Variants in TMEM117 observed in about 807,000 individuals in gnomAD.
TMEM117 encodes the protein transmembrane protein 117.
TMEM117 carries 27 observed loss-of-function variants against 52.4 expected under a neutral mutation model. That is an observed-to-expected ratio of 0.51 (90% CI 0.38 to 0.71). The LOEUF is 0.71. Ranked by LOEUF, TMEM117 falls within the 30% of genes least tolerant of loss-of-function variation. TMEM117 has a pLI of 0.00. For missense variants in TMEM117, 556 were observed against 630.5 expected (o/e 0.88, Z 1.26); for synonymous variants, 215 against 206.3 (o/e 1.04, Z -0.36).
At chr12:44,225,498 A>AT (rs1277124586) in intron 5 of TMEM117, among the ~76,000 whole-genome samples, 139 of 152,222 alleles carry the variant, frequency 9.1e-4, no homozygotes, top group African/African-American at 3.2e-3. Flanking sequence ...AAATGAACGG[A>AT]TTTTTTTCCT....
intron 6 of TMEM117, among the ~76,000 whole-genome samples, chr12:44,306,016 C>T (rs1299467330): frequency 6.6e-6 from 1 of 152,096 alleles, no homozygotes; most frequent in African/African-American, 2.4e-5. Flanking sequence ...AGTGAATTAA[C>T]AGAGGGACAG....
chr12:43,805,496 A>G, the TMEM117 span: 5 of 455,340 alleles, frequency 1.1e-5, no homozygotes, highest in Non-Finnish European at 2.2e-5. Context: ...CCGGGGATAT[A>G]TTATTTGACT....
intron 3 of TMEM117, among the ~76,000 whole-genome samples, chr12:44,060,704 T>C (rs1045182733): frequency 2.6e-5 from 4 of 152,084 alleles, no homozygotes; most frequent in African/African-American, 9.7e-5. Flanking sequence ...GATGAGAAAG[T>C]CACAAAAGCA....
intron 3 of TMEM117, among the ~76,000 whole-genome samples, chr12:43,947,704 C>T (rs1185841106): frequency 2.6e-5 from 4 of 152,128 alleles, no homozygotes. Context: ...GTGGGGAGTC[C>T]AATGTGTCTT....
At chr12:43,822,902 G>GA in the TMEM117 span, among the ~76,000 whole-genome samples, 122 of 128,434 alleles carry the variant, frequency 9.5e-4, no homozygotes, top group Admixed American at 7.8e-4. Context: ...ACCCTGTCTC[G>GA]AAAAAAAAAA....
chr12:44,011,103 A>C (rs958194070), intron 3 of TMEM117, among the ~76,000 whole-genome samples: 4 of 152,278 alleles, frequency 2.6e-5, no homozygotes, highest in Admixed American at 6.5e-5. Flanking sequence ...TTCTTGCTTA[A>C]GAAAGTCTTT....
intron 2 of TMEM117, among the ~76,000 whole-genome samples, chr12:43,879,801 G>A (rs879557056): frequency 7.2e-5 from 11 of 152,254 alleles, no homozygotes; most frequent in Admixed American, 7.2e-4. Context: ...GCCTTCCTGT[G>A]TTATCTTGAA....
intron 2 of TMEM117, among the ~76,000 whole-genome samples, chr12:43,924,427 T>C (rs1444359041): frequency 6.6e-6 from 1 of 152,166 alleles, no homozygotes; most frequent in South Asian, 2.1e-4. Context: ...GAAAATATGA[T>C]ACATTATGTG....
chr12:44,179,210 G>A (rs117666859), intron 4 of TMEM117, among the ~76,000 whole-genome samples: 1,742 of 151,706 alleles, frequency 0.011, 21 homozygotes, highest in South Asian at 0.052. Context: ...ACAAAACAAA[G>A]CTGCTATATA....
At chr12:43,973,931 A>G (rs1432419938) in intron 3 of TMEM117, among the ~76,000 whole-genome samples, 1 of 152,202 alleles carries the variant, frequency 6.6e-6, no homozygotes, top group Non-Finnish European at 1.5e-5. Flanking sequence ...GAGACTTTTT[A>G]GAAGCAAAAA....
the TMEM117 span, among the ~76,000 whole-genome samples, chr12:43,826,871 T>C: frequency 6.6e-6 from 1 of 152,084 alleles, no homozygotes. Flanking sequence ...TCTGCCTGCA[T>C]CTAGAATAGT....
chr12:43,833,729 C>A (rs1209332197), upstream of TMEM117, among the ~76,000 whole-genome samples: 1 of 151,706 alleles, frequency 6.6e-6, no homozygotes, highest in Non-Finnish European at 1.5e-5. Flanking sequence ...TTTGAAGTTG[C>A]AATGAGCTGT....
intron 2 of TMEM117, among the ~76,000 whole-genome samples, chr12:43,943,934 C>G (rs145490234): frequency 3.9e-5 from 6 of 152,294 alleles, no homozygotes; most frequent in African/African-American, 1.4e-4. Flanking sequence ...TGTTTTCATG[C>G]TAGCATGATG....
At chr12:43,936,079 GTTTT>G (rs914418996) in intron 2 of TMEM117, among the ~76,000 whole-genome samples, 2 of 152,198 alleles carry the variant, frequency 1.3e-5, no homozygotes, top group African/African-American at 4.8e-5. Context: ...ATTATTGAAA[GTTTT>G]TTTAAGTGAA....
chr12:43,913,871 A>AGT (rs1436374277), intron 2 of TMEM117, among the ~76,000 whole-genome samples: 1 of 152,214 alleles, frequency 6.6e-6, no homozygotes, highest in Non-Finnish European at 1.5e-5. Context: ...AGAGAATAGA[A>AGT]GTATTACACG....
chr12:43,942,524 TAC>T (rs1258207389), intron 2 of TMEM117, among the ~76,000 whole-genome samples: 1 of 152,162 alleles, frequency 6.6e-6, no homozygotes, highest in East Asian at 1.9e-4. Flanking sequence ...CTTTTAGTTA[TAC>T]AGTCACATTC....
chr12:44,245,916 A>G (rs1412591960), intron 5 of TMEM117, among the ~76,000 whole-genome samples: 1 of 152,164 alleles, frequency 6.6e-6, no homozygotes, highest in South Asian at 2.1e-4. Flanking sequence ...TACAATGTAC[A>G]TAGCATCAAA....
At chr12:43,922,517 T>A (rs975997854) in intron 2 of TMEM117, among the ~76,000 whole-genome samples, 2 of 152,156 alleles carry the variant, frequency 1.3e-5, no homozygotes, top group African/African-American at 4.8e-5. Flanking sequence ...TTTGGTAAAT[T>A]TGGATTTTAT....
At chr12:44,219,535 A>T (rs1319321486) in intron 5 of TMEM117, among the ~76,000 whole-genome samples, 2 of 152,122 alleles carry the variant, frequency 1.3e-5, no homozygotes, top group Non-Finnish European at 2.9e-5. Flanking sequence ...ATTACCAGAA[A>T]CTTCACTTAA....
Sources: gnomAD v4.1 joint callset for allele counts (sites outside exome capture counted in the v4.1 genomes callset) on GRCh38, gnomAD v4.1.1 for gene constraint, MANE v1.5 for transcripts, NCBI Gene and HGNC (gene_info 2026-07-23, HGNC 2026-07-21) for gene names.